The following ERG variants were observed in gnomAD, a reference collection of about 807,000 sequenced individuals.
ERG encodes the protein transcriptional regulator ERG.
A neutral mutation model predicts 55.3 loss-of-function variants in ERG; 9 were observed. The ratio of observed to expected loss-of-function variants is 0.16; its 90% CI spans 0.10 to 0.28. ERG has a LOEUF of 0.28. ERG is among the 10% of genes least tolerant of loss of function. ERG has a pLI of 1.00. For synonymous variants in ERG, 223 were observed against 237.3 expected (o/e 0.94, Z 0.55); for missense variants, 434 against 631.6 (o/e 0.69, Z 3.35).
rs546039460 is a variant in ERG, at chr21:38,495,597, C to T, written c.18+2766G>A. Among the ~76,000 whole-genome samples the T allele has an allele frequency of 5.3e-5, 8 of 152,322 alleles. No individual in the cohort carries two copies. The East Asian group carries it at 1.5e-3, about 29-fold the overall frequency. On this transcript the variant is annotated intron_variant, in intron 1 of 9. Transcript: ENST00000288319. Reference sequence around the variant, plus strand: ...GGATCAGAACTTGCAACCTGGGGTTCATGTTCTCCTTAAAAGGTCCGGGGA... The same window carrying T: ...GGATCAGAACTTGCAACCTGGGGTTTATGTTCTCCTTAAAAGGTCCGGGGA...
chr21:38,482,958 G>A (rs1043772408), intron 1 of ERG, among the ~76,000 whole-genome samples: 6 of 152,172 alleles, frequency 3.9e-5, no homozygotes, highest in African/African-American at 4.8e-5. Context: ...GATTACAAGC[G>A]TAGCCACCAT....
chr21:38,477,007 CTTTTTTTT>C (rs397867221), intron 1 of ERG, among the ~76,000 whole-genome samples: 55 of 84,170 alleles, frequency 6.5e-4, no homozygotes, highest in African/African-American at 2.5e-3. Context: ...TCTTTCTTTC[CTTTTTTTT>C]TTTTTTTTTT....
At chr21:38,512,764 C>T (rs1028704584) in intron 2 of ERG, among the ~76,000 whole-genome samples, 13 of 152,068 alleles carry the variant, frequency 8.5e-5, no homozygotes, top group African/African-American at 3.1e-4. Flanking sequence ...CCTTTGTAAT[C>T]AGATAAAGTA....
At chr21:38,620,797 C>T (rs1262812010) in intron 1 of ERG, among the ~76,000 whole-genome samples, 2 of 152,144 alleles carry the variant, frequency 1.3e-5, no homozygotes, top group African/African-American at 2.4e-5. Flanking sequence ...AGAGTGGTTC[C>T]GCAGCAGCAG....
At chr21:38,406,154 C>CAAA (rs56711562) in intron 3 of ERG, among the ~76,000 whole-genome samples, 9 of 95,018 alleles carry the variant, frequency 9.5e-5, no homozygotes, top group African/African-American at 2.1e-4. Flanking sequence ...GACTCCATCT[C>CAAA]AAAAAAAAAA....
chr21:38,547,378 C>A (rs1055704200), intron 2 of ERG, among the ~76,000 whole-genome samples: 1 of 152,144 alleles, frequency 6.6e-6, no homozygotes, highest in African/African-American at 2.4e-5. Flanking sequence ...CGTGTTTGAC[C>A]ATATGGATAT....
intron 3 of ERG, among the ~76,000 whole-genome samples, chr21:38,413,141 C>G (rs1989134495): frequency 6.6e-6 from 1 of 152,144 alleles, no homozygotes; most frequent in Non-Finnish European, 1.5e-5. Context: ...TTATAGCAAC[C>G]TAGGACAACC....
At chr21:38,579,534 A>C (rs940244331) in intron 1 of ERG, among the ~76,000 whole-genome samples, 7 of 152,200 alleles carry the variant, frequency 4.6e-5, no homozygotes, top group African/African-American at 7.2e-5. Flanking sequence ...GGTGCCACCA[A>C]GGAGCCTTGA....
intron 1 of ERG, among the ~76,000 whole-genome samples, chr21:38,644,335 A>AT (rs11397722): frequency 1 from 152,283 of 152,284 alleles, 76,141 homozygotes; most frequent in Non-Finnish European, 1. Flanking sequence ...ATGGGAAGAC[A>AT]TTTTCCTTTT....
chr21:38,610,569 A>G (rs1312089640), intron 1 of ERG, among the ~76,000 whole-genome samples: 3 of 152,116 alleles, frequency 2.0e-5, no homozygotes, highest in African/African-American at 7.2e-5. Context: ...AGGGGCTTGA[A>G]TTCCTCAAAG....
Position 38,391,614 on chromosome 21 carries a change from C to G in ERG, c.871+45G>C, listed in dbSNP as rs16996241. 2,083 of 1,477,488 alleles carry G rather than the reference C, an allele frequency of 1.4e-3. 14 individuals carry two copies. The African/African-American group carries it at 0.024, about 17-fold the overall frequency. 91.5% of individuals were successfully genotyped at this position (1,477,488 alleles called of 1,614,324 possible). On this transcript the variant is annotated intron_variant, in intron 8 of 9. Coordinates refer to ENST00000288319, the MANE Select transcript of ERG (RefSeq NM_182918.4). The stretch of plus-strand genomic sequence containing the variant: ...AGCATTTTAGAAATGTGCTGCTGAG[C>G]CTGAATCTTCTCTTATGGTTATCCA...
At chr21:38,497,405 C>T (rs2059388624) in intron 1 of ERG, among the ~76,000 whole-genome samples, 1 of 152,170 alleles carries the variant, frequency 6.6e-6, no homozygotes, top group South Asian at 2.1e-4. Context: ...TTTTCTTTTC[C>T]CTCCACTCAG....
At chr21:38,652,794 T>C (rs16996685) in intron 1 of ERG, among the ~76,000 whole-genome samples, 9,450 of 152,256 alleles carry the variant, frequency 0.062, 673 homozygotes, top group African/African-American at 0.17. Flanking sequence ...TCCATTGCCA[T>C]ACAGTCTAGA....
intron 9 of ERG, among the ~76,000 whole-genome samples, chr21:38,388,818 C>T (rs918606085): frequency 1.3e-5 from 2 of 152,168 alleles, no homozygotes; most frequent in Non-Finnish European, 2.9e-5. Flanking sequence ...TCAGGTCCCT[C>T]TATCTACAAA....
chr21:38,512,230 G>A (rs985654908), intron 2 of ERG, among the ~76,000 whole-genome samples: 2 of 152,134 alleles, frequency 1.3e-5, no homozygotes, highest in Non-Finnish European at 2.9e-5. Flanking sequence ...AGTGAAAACA[G>A]ATTAAAGAAA....
chr21:38,460,164 G>A lies in ERG; in HGVS notation c.19-14543C>T, dbSNP rs2146594036. Among the ~76,000 whole-genome samples, 1 of 152,290 alleles carries A rather than the reference G, an allele frequency of 6.6e-6. No homozygotes were observed. The highest frequency in any genetic ancestry group is 6.5e-5 in the Admixed American group (1 of 15,290). On this transcript the variant is annotated intron_variant, in intron 1 of 9. Coordinates refer to ENST00000288319, the MANE Select transcript of ERG (RefSeq NM_182918.4). The surrounding 1 kb of genome is among the most constrained non-coding windows in gnomAD (Gnocchi z 5.0). ...TAGAACAAGGCCAGAGTGGACTGCG[G>A]GGGCTGCACGAGGAACAATGGGACC...
rs934907148 is a variant in ERG, at chr21:38,400,176, A to G, written c.745+398T>C. 31 of 422,002 alleles carry G rather than the reference A, an allele frequency of 7.3e-5. No homozygotes were observed. In the Middle Eastern group the frequency reaches 1.9e-3, roughly 26 times the overall value. The allele number at this position is 422,002 out of a possible 1,614,324, so 26.1% of individuals were successfully genotyped here. A position where few individuals can be genotyped will look rare whatever the true frequency, so the allele number is the denominator to read the frequency against. On this transcript the variant is annotated intron_variant, in intron 6 of 9. Transcript: ENST00000288319. The stretch of plus-strand genomic sequence containing the variant: ...TACTGGTTGCATGCTTCTGCTCTGC[A>G]AGACTGGCTTCTTGTGACATACTGA...
chr21:38,391,193 T>C (rs1987952871), intron 8 of ERG, 151 bp from the exon 9 acceptor site: 2 of 680,616 alleles, frequency 2.9e-6, no homozygotes, highest in East Asian at 5.4e-5. Context: ...ACCTCCTCTA[T>C]GAGAGAAGAT....
chr21:38,546,856 C>T (rs1302128728), intron 2 of ERG, among the ~76,000 whole-genome samples: 1 of 152,198 alleles, frequency 6.6e-6, no homozygotes, highest in Non-Finnish European at 1.5e-5. Context: ...TGTTGATCTC[C>T]TCGTTGACCT....
Sources: gnomAD v4.1 joint callset for allele counts (sites outside exome capture counted in the v4.1 genomes callset) on GRCh38, gnomAD v4.1.1 for gene constraint, Gnocchi (gnomAD v3.1) non-coding constraint, MANE v1.5 for transcripts, NCBI Gene and HGNC (gene_info 2026-07-23, HGNC 2026-07-21) for gene names.